The following DLGAP1 variants were observed in gnomAD, a reference collection of about 807,000 sequenced individuals.
DLGAP1 encodes the protein DLG associated protein 1.
DLGAP1 carries 11 observed loss-of-function variants against 90.8 expected under a neutral mutation model. The ratio of observed to expected loss-of-function variants is 0.12; its 90% confidence interval spans 0.08 to 0.20. The LOEUF (loss-of-function observed/expected upper bound fraction) is 0.20. Ranked by LOEUF, DLGAP1 falls within the 10% of genes least tolerant of loss-of-function variation. The pLI, the probability that DLGAP1 is intolerant of heterozygous loss-of-function variation, is 1.00. For missense variants in DLGAP1, 1,050 were observed against 1,333.8 expected (o/e 0.79, Z 3.31); for synonymous variants, 558 against 540.7 (o/e 1.03, Z -0.44).
chr18:3,806,960 T>A (rs2066595007), intron 5 of DLGAP1, among the ~76,000 whole-genome samples: 1 of 152,186 alleles, frequency 6.6e-6, no homozygotes, highest in Non-Finnish European at 1.5e-5. Context: ...CATTATTGTA[T>A]TAGTCTCCAC....
intron 1 of DLGAP1, among the ~76,000 whole-genome samples, chr18:4,300,086 G>T (rs978959731): frequency 2.6e-5 from 4 of 152,078 alleles, no homozygotes; most frequent in African/African-American, 9.7e-5. Flanking sequence ...TGCAAATAGT[G>T]TGTCCTTTTT....
chr18:3,571,383 T>A (rs72864745), intron 8 of DLGAP1: 1 of 152,114 alleles, frequency 6.6e-6, no homozygotes, highest in Non-Finnish European at 1.5e-5. Context: ...GTCACCATAC[T>A]GATGCTGAAC....
intron 1 of DLGAP1, among the ~76,000 whole-genome samples, chr18:4,451,060 A>T (rs2144909676): frequency 6.6e-6 from 1 of 152,312 alleles, no homozygotes; most frequent in South Asian, 2.1e-4. Flanking sequence ...CTCCTATAGG[A>T]GGGAGAAAAT....
chr18:3,987,967 C>T lies in DLGAP1; in HGVS notation c.-73+17149G>A, dbSNP rs111892215. Among the ~76,000 whole-genome samples the T allele has an allele frequency of 3.2e-4, 48 of 152,164 alleles. 1 individual carries two copies. Among genetic ancestry groups the T allele is most frequent in the African/African-American group, 8.7e-4 (36 of 41,512 alleles). Reference sequence around the variant, plus strand: ...TATGGACCAGGGCGGGGGATGGTTTCGGGATGATTCAAGCCCATTACATTT... The same window carrying T: ...TATGGACCAGGGCGGGGGATGGTTTTGGGATGATTCAAGCCCATTACATTT... On this transcript the variant is annotated intron_variant, in intron 3 of 12. Transcript: ENST00000315677.
intron 1 of DLGAP1, among the ~76,000 whole-genome samples, chr18:4,369,703 G>C (rs767218694): frequency 9.9e-5 from 15 of 151,414 alleles, no homozygotes; most frequent in Non-Finnish European, 2.2e-4. Context: ...GAGTGAAAGG[G>C]AATGAGAGTG....
At chr18:3,769,073 A>T (rs1242251598) in intron 5 of DLGAP1, among the ~76,000 whole-genome samples, 1 of 152,184 alleles carries the variant, frequency 6.6e-6, no homozygotes, top group Non-Finnish European at 1.5e-5. Flanking sequence ...CCCAACAGTA[A>T]AAAACAAGCA....
intron 4 of DLGAP1, among the ~76,000 whole-genome samples, chr18:3,842,319 T>G (rs541086335): frequency 1.7e-4 from 26 of 152,294 alleles, no homozygotes; most frequent in African/African-American, 6.3e-4. Context: ...TCATACTCTC[T>G]AAGTCATGTT....
intron 1 of DLGAP1, among the ~76,000 whole-genome samples, chr18:4,288,378 G>GT (rs2079757080): frequency 6.6e-6 from 1 of 152,234 alleles, no homozygotes. Flanking sequence ...ACTTGGAAAG[G>GT]ACTGACGAGT....
At chr18:4,155,741 G>A (rs2144450070) in intron 1 of DLGAP1, among the ~76,000 whole-genome samples, 1 of 152,246 alleles carries the variant, frequency 6.6e-6, no homozygotes, top group African/African-American at 2.4e-5. Context: ...GTGGGGAAGT[G>A]GAAGAAGGAG....
At chr18:3,730,099 C>G (rs1053453289) in intron 6 of DLGAP1, among the ~76,000 whole-genome samples, 7 of 152,114 alleles carry the variant, frequency 4.6e-5, no homozygotes, top group Non-Finnish European at 7.3e-5. Context: ...TTATAAAAAG[C>G]CCATATGGGC....
chr18:3,648,148 C>T (rs751556470), intron 7 of DLGAP1, among the ~76,000 whole-genome samples: 3 of 152,206 alleles, frequency 2.0e-5, no homozygotes, highest in Non-Finnish European at 4.4e-5. Context: ...TAGGAAATAG[C>T]TGAAAATCTG....
chr18:3,624,359 G>A (rs1424867640), intron 7 of DLGAP1, among the ~76,000 whole-genome samples: 2 of 152,214 alleles, frequency 1.3e-5, no homozygotes, highest in Non-Finnish European at 2.9e-5. Context: ...GCCCTGGGCC[G>A]CTGTCCCCTG....
intron 1 of DLGAP1, among the ~76,000 whole-genome samples, chr18:4,413,539 G>A (rs2082828084): frequency 6.6e-6 from 1 of 152,148 alleles, no homozygotes; most frequent in African/African-American, 2.4e-5. Context: ...ATTCTGCCAC[G>A]AGGGCTCCCC....
At chr18:3,661,305 G>A (rs1372400874) in intron 7 of DLGAP1, among the ~76,000 whole-genome samples, 3 of 152,188 alleles carry the variant, frequency 2.0e-5, no homozygotes, top group Non-Finnish European at 4.4e-5. Context: ...CCACAGACAG[G>A]TGGAGGCTAT....
chr18:3,534,601 G>T lies in DLGAP1; in HGVS notation c.2072C>A (p.Thr691Asn). 1.3e-6 allele frequency: 2 copies of T among 1,571,912 alleles called. No individual in the cohort carries two copies. Among genetic ancestry groups the T allele is most frequent in the Non-Finnish European group, 1.7e-6 (2 of 1,158,748 alleles). Reference sequence around the variant, plus strand: ...TGCTGTCGTCACACTGTTGGATCGAGTGAACCTGCGGAAGCTTGGGAGAAT... The same window carrying T: ...TGCTGTCGTCACACTGTTGGATCGATTGAACCTGCGGAAGCTTGGGAGAAT... ...VEEEKCFRRFTRSNSVTTAVQ... is the reference protein window; with the variant it reads ...VEEEKCFRRFNRSNSVTTAVQ... Residue 691 changes from threonine to asparagine, a missense_variant, in exon 10 of 13, where the codon ACT (threonine) becomes AAT (asparagine). This residue lies in a region of DLGAP1 where 565 missense variants were observed against 879.7 expected (regional missense o/e 0.64). Coordinates refer to ENST00000315677, the MANE Select transcript of DLGAP1 (RefSeq NM_004746.4).
chr18:4,223,617 TAAC>T (rs1330625876), intron 1 of DLGAP1, among the ~76,000 whole-genome samples: 5 of 152,220 alleles, frequency 3.3e-5, no homozygotes, highest in Non-Finnish European at 5.9e-5. Context: ...CAAGATTATG[TAAC>T]AACAATAGAT....
chr18:3,852,272 T>A (rs1161723534), intron 4 of DLGAP1, among the ~76,000 whole-genome samples: 47 of 152,112 alleles, frequency 3.1e-4, no homozygotes, highest in Admixed American at 3.1e-3. Flanking sequence ...AAAGAATCCT[T>A]AAGGCAGTCA....
chr18:4,315,271 G>A lies in DLGAP1; in HGVS notation c.-267+139735C>T, dbSNP rs577254242. Among the ~76,000 whole-genome samples, 19 of 152,284 alleles carry A rather than the reference G, an allele frequency of 1.2e-4. No individual in the cohort carries two copies. The East Asian group carries it at 3.7e-3, about 29-fold the overall frequency. ...TATAACAGTGCCTAGCCTATGGCAGGTAGGATGTAAATTGATTATTATTGT... is the reference window on the plus strand; with the variant it reads ...TATAACAGTGCCTAGCCTATGGCAGATAGGATGTAAATTGATTATTATTGT... On this transcript the variant is annotated intron_variant, in intron 1 of 12. Transcript: ENST00000315677.
chr18:4,204,492 T>C (rs2077676845), intron 1 of DLGAP1, among the ~76,000 whole-genome samples: 1 of 151,148 alleles, frequency 6.6e-6, no homozygotes, highest in Non-Finnish European at 1.5e-5. Flanking sequence ...CAGTTTTAAC[T>C]GACAGGACTG....
Sources: allele counts gnomAD v4.1 joint callset (sites outside exome capture counted in the v4.1 genomes callset), GRCh38; gene constraint gnomAD v4.1.1; regional missense constraint gnomAD v4.1.1; transcripts MANE v1.5; gene names NCBI Gene and HGNC (gene_info 2026-07-23, HGNC 2026-07-21).